The following MROH1 variants were observed in gnomAD, a reference collection of about 807,000 sequenced individuals.
MROH1 encodes maestro heat like repeat family member 1.
Under a neutral mutation model 116.5 loss-of-function variants are expected in MROH1, and 117 were observed. The observed-to-expected ratio is 1.00, with a 90% CI of 0.86 to 1.17. The LOEUF (loss-of-function observed/expected upper bound fraction) is 1.17, where lower values mean the gene tolerates loss of function less well. Among genes scored for constraint, MROH1 ranks in the 50% most tolerant of loss-of-function variants. The pLI is 0.00. For missense variants in MROH1, 1,873 were observed against 1,338.5 expected, an observed-to-expected ratio of 1.40 and a Z score of -6.23; for synonymous variants, 921 against 583.9, an observed-to-expected ratio of 1.58 and a Z score of -8.32.
chr8:144,162,763 C>T (rs1438190141), intron 2 of MROH1, among the ~76,000 whole-genome samples: 2 of 150,988 alleles, frequency 1.3e-5, no homozygotes, highest in African/African-American at 4.9e-5. Context: ...CACTCTGTCG[C>T]TCAGGCTGCA....
intron 1 of MROH1, among the ~76,000 whole-genome samples, chr8:144,155,213 A>G (rs1053917177): frequency 6.6e-6 from 1 of 152,210 alleles, no homozygotes; most frequent in East Asian, 1.9e-4. Flanking sequence ...AGCCTCCCAA[A>G]GTGCTGGGAT....
intron 24 of MROH1, among the ~76,000 whole-genome samples, 176 bp from the exon 25 acceptor site, chr8:144,243,318 C>A (rs1841338826): frequency 1.3e-5 from 2 of 152,260 alleles, no homozygotes; most frequent in African/African-American, 4.8e-5. Flanking sequence ...GGGGGAACCC[C>A]TGGGTGGCCC....
chr8:144,151,073 C>A (rs1191640408), intron 1 of MROH1, among the ~76,000 whole-genome samples: 3 of 151,792 alleles, frequency 2.0e-5, no homozygotes, highest in Admixed American at 6.6e-5. Context: ...CATGGTGAAA[C>A]CCCGTCTCCA....
chr8:144,217,418 A>G lies in MROH1; in HGVS notation c.1142-3182A>G, dbSNP rs189955803. Reference sequence around the variant, plus strand: ...CCGTTTCCAGGAACTCTCATTATGTATATGCAAATATTCCAAGCTCTGAAA... The same window carrying G: ...CCGTTTCCAGGAACTCTCATTATGTGTATGCAAATATTCCAAGCTCTGAAA... On this transcript the variant is annotated intron_variant, in intron 12 of 43. Coordinates refer to ENST00000326134, the MANE Select transcript of MROH1 (RefSeq NM_032450.3). Among the ~76,000 whole-genome samples the G allele has an allele frequency of 3.4e-3, 522 of 152,316 alleles. 2 individuals carry two copies. The highest frequency in any genetic ancestry group is 3.9e-3 in the Non-Finnish European group (268 of 68,030).
intron 4 of MROH1, among the ~76,000 whole-genome samples, chr8:144,170,979 C>A (rs1358829289): frequency 6.6e-6 from 1 of 152,244 alleles, no homozygotes; most frequent in Non-Finnish European, 1.5e-5. Flanking sequence ...TTTCTCTGCT[C>A]TTACACCACG....
intron 12 of MROH1, among the ~76,000 whole-genome samples, chr8:144,207,529 A>C (rs995361663): frequency 2.6e-5 from 4 of 151,870 alleles, no homozygotes; most frequent in Admixed American, 2.0e-4. Context: ...TTATAGAGAG[A>C]GGGTCTCACT....
rs568545670 is a variant in MROH1 at position 144,181,238 on chromosome 8, C to CG, written c.562+720dup. Among the ~76,000 whole-genome samples the CG allele has an allele frequency of 4.7e-3, 593 of 126,148 alleles. 4 individuals are homozygous for CG. The highest frequency in any genetic ancestry group is 0.016 in the African/African-American group (576 of 35,524). The allele number at this position is 126,148 out of a possible 152,430, so 82.8% of individuals were successfully genotyped here. On this transcript the variant is annotated intron_variant, in intron 7 of 43. Coordinates refer to ENST00000326134, the MANE Select transcript of MROH1 (RefSeq NM_032450.3). ...TCGTAAAGAGCCAGCCCTCTGGGGC[C>CG]GGGGGCCGTTAGTTCCAGGCAGCAG...
intron 29 of MROH1, among the ~76,000 whole-genome samples, chr8:144,246,085 C>T (rs1444716274): frequency 5.9e-5 from 7 of 119,642 alleles, no homozygotes; most frequent in East Asian, 5.8e-4. Flanking sequence ...TCCTTCCTTT[C>T]CTTCCTTTCC....
chr8:144,257,677 C>G (rs1844152162), intron 35 of MROH1, among the ~76,000 whole-genome samples: 4 of 152,218 alleles, frequency 2.6e-5, no homozygotes, highest in Admixed American at 2.6e-4. Flanking sequence ...GCCACTTGTT[C>G]CCTGCTAGGC....
At position 144,163,299 on chromosome 8, in the gene MROH1, T is replaced by G. The variant is rs1336807206; in HGVS notation, c.-56-472T>G. ...TCCTCAGAAAGCGTGACACAAGACTTGAATGTGTGTCCGTGGTGAAGAGGC... is the reference window on the plus strand; with the variant it reads ...TCCTCAGAAAGCGTGACACAAGACTGGAATGTGTGTCCGTGGTGAAGAGGC... On this transcript the variant is annotated intron_variant, in intron 2 of 43. Coordinates refer to ENST00000326134, the MANE Select transcript of MROH1 (RefSeq NM_032450.3). The surrounding 1 kb of genome is among the most constrained non-coding windows in gnomAD (Gnocchi z 4.4). 6.6e-6 allele frequency among the ~76,000 whole-genome samples: 1 copy of G among 152,168 alleles called. No homozygotes were observed. The highest frequency in any genetic ancestry group is 2.4e-5 in the African/African-American group (1 of 41,434).
chr8:144,214,918 C>G (rs1313353120), intron 12 of MROH1, among the ~76,000 whole-genome samples: 2 of 152,194 alleles, frequency 1.3e-5, no homozygotes, highest in Non-Finnish European at 2.9e-5. Context: ...CACCTGGAGT[C>G]TGATGTTGGA....
At chr8:144,219,016 TTTGTTGTTG>T (rs1554817553) in intron 12 of MROH1, among the ~76,000 whole-genome samples, 1 of 144,156 alleles carries the variant, frequency 6.9e-6, no homozygotes, top group African/African-American at 2.6e-5. Flanking sequence ...TGTGTTTTTT[TTTGTTGTTG>T]TTGTTGTTTG....
Position 144,211,491 on chromosome 8 carries a change from G to A in MROH1, c.1142-9109G>A, listed in dbSNP as rs905044533. On this transcript the variant is annotated intron_variant, in intron 12 of 43. Coordinates refer to ENST00000326134, the MANE Select transcript of MROH1 (RefSeq NM_032450.3). ...CTGTAATCCCAGCACTTTGGGAGGCGGAGGCAGGTGGATCACGAGGTCAGG... is the reference window on the plus strand; with the variant it reads ...CTGTAATCCCAGCACTTTGGGAGGCAGAGGCAGGTGGATCACGAGGTCAGG... 2.4e-4 allele frequency among the ~76,000 whole-genome samples: 36 copies of A among 152,020 alleles called. 1 individual carries two copies. Among genetic ancestry groups the A allele is most frequent in the Admixed American group, 1.3e-3 (20 of 15,222 alleles).
intron 7 of MROH1, among the ~76,000 whole-genome samples, chr8:144,183,095 T>C (rs972075478): frequency 2.6e-5 from 4 of 151,364 alleles, no homozygotes; most frequent in African/African-American, 9.7e-5. Flanking sequence ...AAATCAAAAC[T>C]AGCTGGGCAT....
At chr8:144,156,708 CAAA>C (rs1176108997) in intron 1 of MROH1, among the ~76,000 whole-genome samples, 2,826 of 56,000 alleles carry the variant, frequency 0.05, 41 homozygotes, top group African/African-American at 0.17. Context: ...GACTCTGTCT[CAAA>C]AAAAAAAAAA....
At chr8:144,192,761 A>G in intron 10 of MROH1, 1 of 420,096 alleles carries the variant, frequency 2.4e-6, no homozygotes, top group Non-Finnish European at 4.5e-6. Flanking sequence ...GGAGCAGAGG[A>G]GAGGCCCTGG....
chr8:144,183,700 G>A (rs190093614), intron 7 of MROH1, among the ~76,000 whole-genome samples: 7 of 151,646 alleles, frequency 4.6e-5, no homozygotes, highest in African/African-American at 1.5e-4. Flanking sequence ...AGGCTGGAGT[G>A]CAGTGGCGCG....
chr8:144,204,212 GC>G lies in MROH1; in HGVS notation c.1141+3672del, dbSNP rs1832346117. ...TGTAGCCTTGAGCTCCTGTGCTCAA[GC>G]AATTCTCCCACCTCAGCCTCCCAAG... On this transcript the variant is annotated intron_variant, in intron 12 of 43. Coordinates refer to ENST00000326134, the MANE Select transcript of MROH1 (RefSeq NM_032450.3). Among the ~76,000 whole-genome samples, 3 of 152,188 alleles carry G rather than the reference GC, an allele frequency of 2.0e-5. No homozygotes were observed. In the South Asian group the frequency reaches 6.2e-4, roughly 31 times the overall value.
chr8:144,216,188 C>CA (rs1018714783), intron 12 of MROH1, among the ~76,000 whole-genome samples: 1 of 148,554 alleles, frequency 6.7e-6, no homozygotes, highest in African/African-American at 2.5e-5. Context: ...TCAAAAAAAA[C>CA]AAAGAGCCTG....
Sources: allele counts gnomAD v4.1 joint callset (sites outside exome capture counted in the v4.1 genomes callset), GRCh38; gene constraint gnomAD v4.1.1; non-coding constraint Gnocchi (gnomAD v3.1); transcripts MANE v1.5; gene names NCBI Gene and HGNC (gene_info 2026-07-23, HGNC 2026-07-21).